The following CSMD1 variants were observed in gnomAD, a reference collection of about 807,000 sequenced individuals.
CSMD1 encodes CUB and Sushi multiple domains 1.
Under a neutral mutation model 417.5 loss-of-function variants are expected in CSMD1, and 213 were observed. The ratio of observed to expected loss-of-function variants is 0.51; its 90% CI spans 0.46 to 0.57. The LOEUF (loss-of-function observed/expected upper bound fraction) is 0.57. Among genes scored for constraint, CSMD1 ranks in the 20% least tolerant of loss-of-function variants. The pLI is 0.00. For missense variants in CSMD1, 6,923 were observed against 4,529.7 expected, an observed-to-expected ratio of 1.53 and a Z score of -15.17; for synonymous variants, 2,862 against 1,736.8, an observed-to-expected ratio of 1.65 and a Z score of -16.11.
chr8:3,495,194 T>A (rs1363687146), intron 10 of CSMD1, among the ~76,000 whole-genome samples: 1 of 152,206 alleles, frequency 6.6e-6, no homozygotes, highest in African/African-American at 2.4e-5. Flanking sequence ...GCACCTGATA[T>A]TTTTATTTCT....
At chr8:3,046,557 C>A (rs781570015) in intron 50 of CSMD1, among the ~76,000 whole-genome samples, 1 of 152,168 alleles carries the variant, frequency 6.6e-6, no homozygotes, top group Admixed American at 6.5e-5. Context: ...ACTGAACTAT[C>A]TCTATGTACA....
chr8:3,479,718 A>G (rs1458946876), intron 11 of CSMD1, among the ~76,000 whole-genome samples: 1 of 152,236 alleles, frequency 6.6e-6, no homozygotes, highest in South Asian at 2.1e-4. Context: ...GGACACAATC[A>G]TCACACCAAG....
At chr8:4,465,916 G>A (rs890275623) in intron 2 of CSMD1, among the ~76,000 whole-genome samples, 1 of 152,152 alleles carries the variant, frequency 6.6e-6, no homozygotes, top group Non-Finnish European at 1.5e-5. Context: ...CACAGCCATA[G>A]AAGAAGGAAA....
intron 3 of CSMD1, among the ~76,000 whole-genome samples, chr8:4,305,510 G>T (rs1391532533): frequency 2.6e-5 from 4 of 152,198 alleles, no homozygotes; most frequent in African/African-American, 9.6e-5. Flanking sequence ...TTCCCTGAGG[G>T]CAGAGCGGTG....
At chr8:3,537,435 A>G (rs1430666376) in intron 10 of CSMD1, among the ~76,000 whole-genome samples, 2 of 152,236 alleles carry the variant, frequency 1.3e-5, no homozygotes, top group East Asian at 3.9e-4. Flanking sequence ...CATTCCAAAA[A>G]TTGATATGTT....
chr8:3,503,314 G>A (rs1796685587), intron 10 of CSMD1, among the ~76,000 whole-genome samples: 1 of 152,156 alleles, frequency 6.6e-6, no homozygotes, highest in Non-Finnish European at 1.5e-5. Flanking sequence ...ACAATTCAAT[G>A]CACTGCTATG....
At chr8:4,514,161 T>C (rs868302914) in intron 2 of CSMD1, among the ~76,000 whole-genome samples, 9 of 152,266 alleles carry the variant, frequency 5.9e-5, no homozygotes, top group Middle Eastern at 3.4e-3. Context: ...AGAGCTCTCT[T>C]CCTGGCTTGC....
intron 21 of CSMD1, among the ~76,000 whole-genome samples, chr8:3,351,280 A>C (rs1176449675): frequency 6.6e-6 from 1 of 152,086 alleles, no homozygotes; most frequent in Non-Finnish European, 1.5e-5. Flanking sequence ...AGTCTTTCAC[A>C]TGGCATTTTC....
chr8:3,720,922 T>G (rs1037917730), intron 6 of CSMD1, among the ~76,000 whole-genome samples: 6 of 152,068 alleles, frequency 3.9e-5, no homozygotes, highest in African/African-American at 1.4e-4. Context: ...TTCAAGTGTT[T>G]CTCCTGCCTC....
At chr8:3,615,032 C>A (rs1278393635) in intron 8 of CSMD1, among the ~76,000 whole-genome samples, 1 of 152,156 alleles carries the variant, frequency 6.6e-6, no homozygotes, top group Non-Finnish European at 1.5e-5. Flanking sequence ...TATTTCGTTG[C>A]TTTGTTTTCA....
At chr8:4,331,139 G>A (rs969981301) in intron 3 of CSMD1, among the ~76,000 whole-genome samples, 4 of 151,952 alleles carry the variant, frequency 2.6e-5, no homozygotes, top group Non-Finnish European at 4.4e-5. Flanking sequence ...CTAAACTACC[G>A]AACTATCCTC....
chr8:4,357,228 C>G (rs889634857), intron 3 of CSMD1, among the ~76,000 whole-genome samples: 13 of 152,182 alleles, frequency 8.5e-5, no homozygotes, highest in South Asian at 8.3e-4. Flanking sequence ...TTGAAAGAGC[C>G]TCTTACGTGC....
intron 15 of CSMD1, among the ~76,000 whole-genome samples, chr8:3,402,975 A>G (rs946493642): frequency 6.6e-6 from 1 of 152,264 alleles, no homozygotes; most frequent in African/African-American, 2.4e-5. Context: ...GTACTGTTCT[A>G]ATGGTTTCCA....
intron 5 of CSMD1, among the ~76,000 whole-genome samples, chr8:3,910,050 G>T (rs1314074917): frequency 6.6e-6 from 1 of 152,068 alleles, no homozygotes; most frequent in Non-Finnish European, 1.5e-5. Context: ...TAAAACAGAG[G>T]CATCACTAGA....
chr8:3,214,800 T>C (rs17079629), intron 29 of CSMD1, 109 bp from the exon 30 acceptor site: 95,420 of 667,454 alleles, frequency 0.14, 7,727 homozygotes, highest in South Asian at 0.26. Flanking sequence ...CCTAGAACAA[T>C]GTCCTAAATA....
chr8:3,831,320 C>A (rs1000973319), intron 5 of CSMD1, among the ~76,000 whole-genome samples: 2 of 152,142 alleles, frequency 1.3e-5, no homozygotes, highest in African/African-American at 4.8e-5. Context: ...GCATTTCGGA[C>A]AGCTCCATCT....
At chr8:4,924,065 A>G (rs1806688808) in intron 1 of CSMD1, among the ~76,000 whole-genome samples, 1 of 152,222 alleles carries the variant, frequency 6.6e-6, no homozygotes, top group Non-Finnish European at 1.5e-5. Flanking sequence ...TGTAGGCAGA[A>G]AAGTGATGAA....
chr8:3,730,687 A>T (rs1180734538), intron 6 of CSMD1, among the ~76,000 whole-genome samples: 1 of 152,194 alleles, frequency 6.6e-6, no homozygotes, highest in East Asian at 1.9e-4. Flanking sequence ...TAACCTCACC[A>T]AAAGGCACCT....
chr8:4,324,533 G>A (rs139154816), intron 3 of CSMD1, among the ~76,000 whole-genome samples: 14 of 152,298 alleles, frequency 9.2e-5, no homozygotes, highest in South Asian at 2.1e-4. Flanking sequence ...ACCCCCAGGA[G>A]GTGCATTCTG....
Sources: allele counts gnomAD v4.1 joint callset (sites outside exome capture counted in the v4.1 genomes callset), GRCh38; gene constraint gnomAD v4.1.1; transcripts MANE v1.5; gene names NCBI Gene and HGNC (gene_info 2026-07-23, HGNC 2026-07-21).